Variants in TENM3 observed in about 807,000 individuals in gnomAD.
The protein encoded by TENM3 is teneurin transmembrane protein 3, also known as teneurin-3.
Under a neutral mutation model 255.1 loss-of-function variants are expected in TENM3, and 63 were observed. The observed-to-expected ratio is 0.25, with a 90% confidence interval of 0.20 to 0.30. The LOEUF (loss-of-function observed/expected upper bound fraction) is 0.30. Among genes scored for constraint, TENM3 ranks in the 10% least tolerant of loss-of-function variants. TENM3 has a pLI of 1.00. For synonymous variants in TENM3, 1,306 were observed against 1,322.3 expected (o/e 0.99, Z 0.27); for missense variants, 2,929 against 3,461.1 (o/e 0.85, Z 3.86).
chr4:182,610,910 A>ATT (rs370512327), intron 4 of TENM3, among the ~76,000 whole-genome samples: 74 of 141,640 alleles, frequency 5.2e-4, no homozygotes, highest in Non-Finnish European at 6.6e-4. Flanking sequence ...TGCCCAGCTA[A>ATT]TTTTTTTTTT....
chr4:182,679,781 G>A lies in TENM3; in HGVS notation c.1442G>A (p.Gly481Asp), dbSNP rs776432015. ...AGATCCGTCAGCCTTCATGAGGCCG[G>A]CTTTATCCAGTACTTGGATTCTGGA... is the stretch of plus-strand genomic sequence containing the variant. ...QARSVSLHEA[G>D]FIQYLDSGIW... The change falls in exon 8 of 28, where the codon GGC (glycine) becomes GAC (aspartate). Residue 481 changes from glycine (G) to aspartate (D), a missense_variant. Transcript: ENST00000511685. 1 of 1,613,976 alleles carries A rather than the reference G, an allele frequency of 6.2e-7. No individual in the cohort carries two copies. The highest frequency in any genetic ancestry group is 1.7e-5 in the Admixed American group (1 of 60,026).
At chr4:182,427,947 C>CT (rs34463107) in intron 3 of TENM3, among the ~76,000 whole-genome samples, 25,944 of 142,820 alleles carry the variant, frequency 0.18, 2,664 homozygotes, top group East Asian at 0.44. Flanking sequence ...AGCACTGTCA[C>CT]TTTTTTTTTT....
chr4:181,886,996 G>A, the TENM3 span, among the ~76,000 whole-genome samples: 4 of 152,244 alleles, frequency 2.6e-5, no homozygotes, highest in African/African-American at 9.6e-5. Flanking sequence ...CTACCTTGAC[G>A]AAACTTGGCT....
intron 3 of TENM3, among the ~76,000 whole-genome samples, chr4:182,582,959 A>G (rs1435520248): frequency 2.0e-5 from 3 of 152,216 alleles, no homozygotes; most frequent in Non-Finnish European, 4.4e-5. Context: ...GGAGCAGATA[A>G]GTAGCCTCTA....
the TENM3 span, among the ~76,000 whole-genome samples, chr4:181,773,863 C>T: frequency 6.6e-6 from 1 of 152,076 alleles, no homozygotes; most frequent in Non-Finnish European, 1.5e-5. Context: ...GTATCCTGTC[C>T]AACTCTGAGA....
chr4:182,655,533 C>T (rs1753677969), intron 6 of TENM3, among the ~76,000 whole-genome samples: 1 of 152,162 alleles, frequency 6.6e-6, no homozygotes, highest in African/African-American at 2.4e-5. Flanking sequence ...CTCACGTCAG[C>T]ACTCCTCAGC....
chr4:182,061,772 A>C, the TENM3 span, among the ~76,000 whole-genome samples: 1 of 152,098 alleles, frequency 6.6e-6, no homozygotes, highest in Non-Finnish European at 1.5e-5. Flanking sequence ...CAGCCTGGGC[A>C]TCACAGGGAG....
intron 3 of TENM3, among the ~76,000 whole-genome samples, chr4:182,469,205 A>G (rs1333290303): frequency 6.6e-6 from 1 of 152,192 alleles, no homozygotes; most frequent in Non-Finnish European, 1.5e-5. Context: ...TGAAAAACTA[A>G]AACAAGCTGA....
At chr4:182,041,563 A>G in the TENM3 span, among the ~76,000 whole-genome samples, 1 of 152,196 alleles carries the variant, frequency 6.6e-6, no homozygotes, top group Admixed American at 6.5e-5. Context: ...TTGTTATAAT[A>G]CAGCTGATAA....
the TENM3 span, among the ~76,000 whole-genome samples, chr4:182,128,295 G>C: frequency 3.3e-5 from 5 of 151,658 alleles, no homozygotes; most frequent in Non-Finnish European, 7.4e-5. Flanking sequence ...ATTAGCATAT[G>C]AACTATTAAT....
chr4:181,608,920 A>G, the TENM3 span, among the ~76,000 whole-genome samples: 2 of 152,220 alleles, frequency 1.3e-5, no homozygotes, highest in African/African-American at 4.8e-5. Context: ...TGACACATCA[A>G]CAAAGAGAGC....
the TENM3 span, among the ~76,000 whole-genome samples, chr4:181,897,356 G>C: frequency 6.6e-6 from 1 of 152,164 alleles, no homozygotes; most frequent in East Asian, 1.9e-4. Context: ...ACATACTAAA[G>C]AGCATGAAAT....
intron 12 of TENM3, among the ~76,000 whole-genome samples, chr4:182,709,129 C>T (rs1273215996): frequency 1.3e-5 from 2 of 151,592 alleles, no homozygotes; most frequent in African/African-American, 4.8e-5. Context: ...ACTACAGGCA[C>T]GCACCACCAC....
At chr4:181,582,669 C>CAAAAAAAAA in the TENM3 span, among the ~76,000 whole-genome samples, 5 of 124,738 alleles carry the variant, frequency 4.0e-5, no homozygotes, top group East Asian at 2.3e-4. Flanking sequence ...CAAAACAAAT[C>CAAAAAAAAA]AAAAAAAAAA....
chr4:181,476,379 G>T, the TENM3 span, among the ~76,000 whole-genome samples: 1 of 151,772 alleles, frequency 6.6e-6, no homozygotes, highest in Non-Finnish European at 1.5e-5. Flanking sequence ...TTACTGGGAC[G>T]TGAGGGCAGG....
intron 3 of TENM3, among the ~76,000 whole-genome samples, chr4:182,378,758 T>C (rs940453343): frequency 3.3e-5 from 5 of 152,170 alleles, no homozygotes; most frequent in African/African-American, 1.2e-4. Context: ...TTATTTTGGA[T>C]TGCAGAAGTG....
chr4:181,538,753 C>T, the TENM3 span, among the ~76,000 whole-genome samples: 6 of 152,126 alleles, frequency 3.9e-5, no homozygotes, highest in Non-Finnish European at 7.4e-5. Flanking sequence ...GTGAAGTGTT[C>T]GTTTTCTTCT....
At chr4:181,578,505 CG>C in the TENM3 span, among the ~76,000 whole-genome samples, 1 of 152,144 alleles carries the variant, frequency 6.6e-6, no homozygotes, top group Non-Finnish European at 1.5e-5. Flanking sequence ...CTGCCCGCTG[CG>C]GAGAGGCACT....
chr4:182,680,057 A>G (rs1001261654), intron 8 of TENM3, among the ~76,000 whole-genome samples, 181 bp downstream of exon 8: 3 of 152,314 alleles, frequency 2.0e-5, no homozygotes, highest in East Asian at 1.9e-4. Flanking sequence ...GCACTGGGAG[A>G]AAATATTTTC....
Sources: gnomAD v4.1 joint callset for allele counts (sites outside exome capture counted in the v4.1 genomes callset) on GRCh38, gnomAD v4.1.1 for gene constraint, MANE v1.5 for transcripts, NCBI Gene and HGNC (gene_info 2026-07-23, HGNC 2026-07-21) for gene names.